Variants in TMEM150C observed in about 807,000 individuals in gnomAD.
TMEM150C encodes tentonin 3.
TMEM150C carries 10 observed loss-of-function variants against 29.9 expected under a neutral mutation model. That is an observed-to-expected ratio of 0.33 (90% CI 0.21 to 0.57). The LOEUF is 0.57. Ranked by LOEUF, TMEM150C falls within the 20% of genes least tolerant of loss-of-function variation. TMEM150C has a pLI of 0.88. For missense variants in TMEM150C, 251 were observed against 303.6 expected, an observed-to-expected ratio of 0.83 and a Z score of 1.29; for synonymous variants, 101 against 112.5, an observed-to-expected ratio of 0.90 and a Z score of 0.64.
chr4:82,512,843 G>T (rs1318229150), intron 1 of TMEM150C, among the ~76,000 whole-genome samples: 2 of 152,146 alleles, frequency 1.3e-5, no homozygotes, highest in Non-Finnish European at 2.9e-5. Context: ...CTTCAAAAAA[G>T]ATGAAGTACC....
At chr4:82,521,672 T>A (rs1335970864) in intron 1 of TMEM150C, among the ~76,000 whole-genome samples, 1 of 151,966 alleles carries the variant, frequency 6.6e-6, no homozygotes, top group Non-Finnish European at 1.5e-5. Context: ...AGTATCTTGG[T>A]GAAAAGGAAA....
At chr4:82,561,805 C>A (rs1725944541) in intron 1 of TMEM150C, 101 bp downstream of exon 1, 1 of 867,620 alleles carries the variant, frequency 1.2e-6, no homozygotes, top group Non-Finnish European at 1.4e-6. Flanking sequence ...GCTGCAGCCC[C>A]CGCCGTCCCC....
intron 6 of TMEM150C, 52 bp from the exon 7 acceptor site, chr4:82,490,290 A>G: frequency 6.5e-7 from 1 of 1,530,888 alleles, no homozygotes; most frequent in Admixed American, 1.7e-5. Context: ...CAAAGAAGAC[A>G]GGCAAGTTGA....
At chr4:82,502,651 G>T in intron 5 of TMEM150C, 76 bp downstream of exon 5, 2 of 1,414,964 alleles carry the variant, frequency 1.4e-6, no homozygotes, top group Non-Finnish European at 1.9e-6. Flanking sequence ...CCATTGTTTT[G>T]ACAAGGGTTT....
intron 1 of TMEM150C, among the ~76,000 whole-genome samples, chr4:82,536,939 T>C (rs957151547): frequency 6.6e-6 from 1 of 152,128 alleles, no homozygotes; most frequent in African/African-American, 2.4e-5. Flanking sequence ...AATACAAATA[T>C]TCATAGTAAG....
chr4:82,523,697 C>CTT (rs376571700), intron 1 of TMEM150C, among the ~76,000 whole-genome samples: 4 of 146,134 alleles, frequency 2.7e-5, no homozygotes, highest in Admixed American at 1.4e-4. Flanking sequence ...ACACAAATAA[C>CTT]TTTTTTTTTT....
chr4:82,513,810 T>C (rs1724207931), intron 1 of TMEM150C, among the ~76,000 whole-genome samples: 1 of 152,100 alleles, frequency 6.6e-6, no homozygotes, highest in Admixed American at 6.6e-5. Flanking sequence ...TAGCTGCCAC[T>C]ACATTGAGAG....
intron 5 of TMEM150C, among the ~76,000 whole-genome samples, chr4:82,500,233 T>C (rs915955938): frequency 6.6e-6 from 1 of 152,234 alleles, no homozygotes; most frequent in Non-Finnish European, 1.5e-5. Flanking sequence ...ATTTTTAGAT[T>C]GTAAAGTATA....
At chr4:82,558,840 T>C (rs953891616) in intron 1 of TMEM150C, among the ~76,000 whole-genome samples, 3 of 152,206 alleles carry the variant, frequency 2.0e-5, no homozygotes, top group Admixed American at 2.0e-4. Context: ...ATATCCCCTG[T>C]GACCTGCACG....
At chr4:82,518,218 A>T (rs1724357931) in intron 1 of TMEM150C, among the ~76,000 whole-genome samples, 1 of 152,060 alleles carries the variant, frequency 6.6e-6, no homozygotes, top group South Asian at 2.1e-4. Flanking sequence ...GGGGAGACTG[A>T]GGCAGGAGAA....
chr4:82,487,819 C>T (rs79183451), intron 7 of TMEM150C, among the ~76,000 whole-genome samples: 2 of 151,956 alleles, frequency 1.3e-5, no homozygotes, highest in Non-Finnish European at 2.9e-5. Flanking sequence ...TTTATTCTTT[C>T]CCCCCCTCAT....
chr4:82,512,736 T>A (rs1724166948), intron 1 of TMEM150C, among the ~76,000 whole-genome samples: 2 of 152,156 alleles, frequency 1.3e-5, no homozygotes, highest in Admixed American at 1.3e-4. Flanking sequence ...ACAATGTGAA[T>A]ATAATTAATG....
At chr4:82,538,061 T>A (rs1725070884) in intron 1 of TMEM150C, among the ~76,000 whole-genome samples, 1 of 152,198 alleles carries the variant, frequency 6.6e-6, no homozygotes, top group Non-Finnish European at 1.5e-5. Context: ...GCATTATTTT[T>A]ATTTTATTTT....
At chr4:82,523,574 G>A (rs1023780783) in intron 1 of TMEM150C, among the ~76,000 whole-genome samples, 2 of 152,132 alleles carry the variant, frequency 1.3e-5, no homozygotes, top group African/African-American at 2.4e-5. Flanking sequence ...AAAGTTTGCC[G>A]GCCTGGTGGG....
At chr4:82,519,523 T>C (rs985867094) in intron 1 of TMEM150C, among the ~76,000 whole-genome samples, 2 of 152,070 alleles carry the variant, frequency 1.3e-5, no homozygotes, top group African/African-American at 4.8e-5. Flanking sequence ...CCTCCCAGGA[T>C]CAAGTGATTC....
At chr4:82,529,353 A>G (rs1300403379) in intron 1 of TMEM150C, among the ~76,000 whole-genome samples, 1 of 151,180 alleles carries the variant, frequency 6.6e-6, no homozygotes, top group Non-Finnish European at 1.5e-5. Context: ...CAGTAGCACA[A>G]TCACAGCTCA....
At chr4:82,507,305 C>A (rs918492613) in intron 1 of TMEM150C, among the ~76,000 whole-genome samples, 1 of 152,198 alleles carries the variant, frequency 6.6e-6, no homozygotes, top group Non-Finnish European at 1.5e-5. Flanking sequence ...TGGACAAATA[C>A]TCATGCTGGC....
At chr4:82,487,246 C>T (rs1723193891) in intron 7 of TMEM150C, among the ~76,000 whole-genome samples, 1 of 152,088 alleles carries the variant, frequency 6.6e-6, no homozygotes, top group African/African-American at 2.4e-5. Flanking sequence ...CCCAGTAGTT[C>T]GAGACCAGCC....
At chr4:82,548,511 C>T (rs1157795788) in intron 1 of TMEM150C, among the ~76,000 whole-genome samples, 1 of 152,136 alleles carries the variant, frequency 6.6e-6, no homozygotes, top group Non-Finnish European at 1.5e-5. Flanking sequence ...CATCTCCTTT[C>T]CCATTGCCTT....
Sources: gnomAD v4.1 joint callset for allele counts (sites outside exome capture counted in the v4.1 genomes callset) on GRCh38, gnomAD v4.1.1 for gene constraint, MANE v1.5 for transcripts, NCBI Gene and HGNC (gene_info 2026-07-23, HGNC 2026-07-21) for gene names.